Variants in IGF2R observed in about 807,000 individuals in gnomAD.
The protein encoded by IGF2R is insulin like growth factor 2 receptor, also known as cation-independent mannose-6-phosphate receptor.
Under a neutral mutation model 270.6 loss-of-function variants are expected in IGF2R, and 91 were observed. The observed-to-expected ratio is 0.34, with a 90% CI of 0.28 to 0.40. IGF2R has a LOEUF of 0.40. Ranked by LOEUF, IGF2R falls within the 10% of genes least tolerant of loss-of-function variation. The pLI is 1.00. For missense variants in IGF2R, 2,805 were observed against 3,188.3 expected, an observed-to-expected ratio of 0.88 and a Z score of 2.90; for synonymous variants, 1,316 against 1,258.9, an observed-to-expected ratio of 1.05 and a Z score of -0.96.
intron 30 of IGF2R, among the ~76,000 whole-genome samples, chr6:160,068,987 GATATA>G (rs1409449949): frequency 6.6e-6 from 1 of 152,134 alleles, no homozygotes; most frequent in African/African-American, 2.4e-5. Context: ...AGGAGATGAA[GATATA>G]ATAGATAGAA....
intron 10 of IGF2R, among the ~76,000 whole-genome samples, chr6:160,036,150 G>C (rs1249783979): frequency 6.6e-6 from 1 of 152,178 alleles, no homozygotes; most frequent in Non-Finnish European, 1.5e-5. Flanking sequence ...AAGTCCCAAG[G>C]ATTTTCAGCA....
At chr6:159,990,505 T>G (rs1783960371) in intron 1 of IGF2R, among the ~76,000 whole-genome samples, 1 of 152,256 alleles carries the variant, frequency 6.6e-6, no homozygotes, top group Admixed American at 6.5e-5. Context: ...CATGCTTAAC[T>G]ATGAGTCAAT....
In IGF2R at chr6:160,089,212, T is replaced by G; in HGVS notation, c.6426T>G (p.Pro2142=). Residue 2142 remains proline, a synonymous_variant, in exon 43 of 48, where the codon CCT becomes CCG. Coordinates refer to ENST00000356956, the MANE Select transcript of IGF2R (RefSeq NM_000876.4). Reference sequence around the variant, plus strand: ...TGGTGAATGGGACCATCACCAACCCTATAAATGGCAAGAGCTTCAGCCTCG... The same window carrying G: ...TGGTGAATGGGACCATCACCAACCCGATAAATGGCAAGAGCTTCAGCCTCG... The part of the protein sequence containing the change: ...VQMVNGTITN[P]INGKSFSLGD... 6.2e-7 allele frequency: 1 copy of G among 1,612,572 alleles called. No individual in the cohort carries two copies. The highest frequency in any genetic ancestry group is 8.5e-7 in the Non-Finnish European group (1 of 1,178,856).
At chr6:160,017,415 A>G (rs1375287390) in intron 4 of IGF2R, among the ~76,000 whole-genome samples, 1 of 152,252 alleles carries the variant, frequency 6.6e-6, no homozygotes, top group African/African-American at 2.4e-5. Flanking sequence ...AGGGAGAAGA[A>G]CAAACAAAAT....
At chr6:160,008,900 A>T in intron 2 of IGF2R, 110 bp from the exon 3 acceptor site, 1 of 1,101,782 alleles carries the variant, frequency 9.1e-7, no homozygotes, top group Non-Finnish European at 1.3e-6. Context: ...TTATAAATTT[A>T]TAAGCTATCA....
At chr6:160,063,767 A>G in intron 27 of IGF2R, 137 bp downstream of exon 27, 1 of 671,288 alleles carries the variant, frequency 1.5e-6, no homozygotes, top group Non-Finnish European at 2.5e-6. Flanking sequence ...CATATTAATG[A>G]TATTTCGGAT....
Position 160,070,068 on chromosome 6 carries a change from T to C in IGF2R, c.4443+10T>C, listed in dbSNP as rs778992581. On this transcript the variant is annotated intron_variant, in intron 31 of 47. Coordinates refer to ENST00000356956, the MANE Select transcript of IGF2R (RefSeq NM_000876.4). ...CAGCGAGAGCCAAGTGGTAAGGGAC[T>C]GTTCCTGCACCTTCTGCTGTTGCAG... The C allele has an allele frequency of 4.0e-5, 65 of 1,613,446 alleles. No individual in the cohort carries two copies. Among genetic ancestry groups the C allele is most frequent in the Admixed American group, 2.3e-4 (14 of 59,984 alleles).
At chr6:160,090,701 C>T (rs906587927) in intron 44 of IGF2R, among the ~76,000 whole-genome samples, 12 of 152,152 alleles carry the variant, frequency 7.9e-5, no homozygotes, top group Admixed American at 2.6e-4. Context: ...ATTTTTGAAC[C>T]GTGTGTGGAT....
rs8191875 is a variant in IGF2R, at chr6:160,070,421, G to A, written c.4443+363G>A. 1.2e-3 allele frequency among the ~76,000 whole-genome samples: 187 copies of A among 152,248 alleles called. 3 individuals are homozygous for A. In the East Asian group the frequency reaches 0.031, roughly 25 times the overall value. On this transcript the variant is annotated intron_variant, in intron 31 of 47. Transcript: ENST00000356956. ...TGGCTGGGCCCGGGTCACAGGTAGCGCTGCCACTTCCCAGCCACATAACTT... is the reference window on the plus strand; with the variant it reads ...TGGCTGGGCCCGGGTCACAGGTAGCACTGCCACTTCCCAGCCACATAACTT...
intron 30 of IGF2R, among the ~76,000 whole-genome samples, chr6:160,069,434 A>G (rs905106668): frequency 6.6e-6 from 1 of 152,168 alleles, no homozygotes; most frequent in Non-Finnish European, 1.5e-5. Flanking sequence ...GTGGCATGGG[A>G]CTAGTTCTTC....
intron 22 of IGF2R, 97 bp downstream of exon 22, chr6:160,059,195 C>T (rs527828151): frequency 1.0e-4 from 100 of 991,888 alleles, no homozygotes; most frequent in Middle Eastern, 3.3e-4. Flanking sequence ...GCACATCCCC[C>T]GCCACCATGG....
In IGF2R at chr6:160,045,754, A is replaced by G; in HGVS notation, c.1775A>G (p.Glu592Gly). 2 of 1,614,148 alleles carry G rather than the reference A, an allele frequency of 1.2e-6. No individual in the cohort carries two copies. The highest frequency in any genetic ancestry group is 8.5e-7 in the Non-Finnish European group (1 of 1,180,008). ...TTTTCCCCATTGACAGGTGATCTGG[A>G]AAGTGCACCAGTGTTGAGAACTTCT... ...ITLVCKPGDL[E>G]SAPVLRTSGE... is the part of the protein sequence containing the mutation. The change falls in exon 14 of 48, where the codon GAA becomes GGA. Residue 592 changes from glutamate (E) to glycine (G), a missense_variant. Transcript: ENST00000356956.
At position 160,107,957 on chromosome 6, in the gene IGF2R, T is replaced by C. The variant is rs2114750366; in HGVS notation, c.*2873T>C. 1 of 152,262 alleles carries C rather than the reference T, an allele frequency of 6.6e-6. No homozygotes were observed. Among genetic ancestry groups the C allele is most frequent in the South Asian group, 2.1e-4 (1 of 4,822 alleles). 9.4% of individuals were successfully genotyped at this position (152,262 alleles called of 1,614,324 possible). ...TTCACACGACTAAGATGCCACCTGG[T>C]GATTAAAGAACACTTTGGGCTGGTC... On this transcript the variant is annotated 3_prime_UTR_variant, in exon 48 of 48. Coordinates refer to ENST00000356956, the MANE Select transcript of IGF2R (RefSeq NM_000876.4).
rs112511996 is a variant in IGF2R at position 160,017,960 on chromosome 6, A to G, written c.514-6612A>G. 7.6e-3 allele frequency among the ~76,000 whole-genome samples: 1,156 copies of G among 152,312 alleles called. 16 individuals are homozygous for G. Among genetic ancestry groups the G allele is most frequent in the African/African-American group, 0.026 (1,096 of 41,570 alleles). On this transcript the variant is annotated intron_variant, in intron 4 of 47. Transcript: ENST00000356956. Reference sequence around the variant, plus strand: ...ATTATTCAAACAAGACCACAAAGCAACTAGGAAACAGTTAGCATTATGACA... The same window carrying G: ...ATTATTCAAACAAGACCACAAAGCAGCTAGGAAACAGTTAGCATTATGACA...
intron 22 of IGF2R, 74 bp downstream of exon 22, chr6:160,059,172 GA>G (rs1363094501): frequency 7.8e-7 from 1 of 1,278,668 alleles, no homozygotes; most frequent in African/African-American, 1.5e-5. Context: ...GCACCTTCCT[GA>G]GTGTAGGATG....
intron 4 of IGF2R, among the ~76,000 whole-genome samples, chr6:160,015,536 T>G (rs1004727978): frequency 6.6e-6 from 1 of 152,038 alleles, no homozygotes; most frequent in Non-Finnish European, 1.5e-5. Flanking sequence ...CGCAAAGATG[T>G]GGGTGCTCCT....
chr6:160,058,035 A>C lies in IGF2R; in HGVS notation c.2809A>C (p.Arg937=), dbSNP rs1778350913. Residue 937 remains arginine, a synonymous_variant, in exon 21 of 48, where the codon AGG becomes CGG. Transcript: ENST00000356956. ...TTDTDQACSI[R]DPNSGFVFNL... ...TTGTTTCCTGTAGGCTTGCTCTATA[A>C]GGGATCCCAACAGTGGATTTGTGTT... The C allele has an allele frequency of 6.2e-7, 1 of 1,611,926 alleles. No homozygotes were observed.
intron 1 of IGF2R, among the ~76,000 whole-genome samples, chr6:159,984,224 A>G (rs920012411): frequency 6.6e-6 from 1 of 152,250 alleles, no homozygotes; most frequent in African/African-American, 2.4e-5. Context: ...TGCATAAACT[A>G]CAGTCTGCAT....
chr6:160,085,202 G>C (rs1177632480), intron 41 of IGF2R, 71 bp downstream of exon 41: 1 of 1,511,814 alleles, frequency 6.6e-7, no homozygotes, highest in African/African-American at 1.4e-5. Context: ...GGTGTTCTCA[G>C]GATGGCAAGG....
Sources: allele counts gnomAD v4.1 joint callset (sites outside exome capture counted in the v4.1 genomes callset), GRCh38; gene constraint gnomAD v4.1.1; transcripts MANE v1.5; gene names NCBI Gene and HGNC (gene_info 2026-07-23, HGNC 2026-07-21).